EXOC6B: variants seen among roughly 807,000 people sequenced by gnomAD.
EXOC6B encodes exocyst complex component 6B, also known as SEC15 homolog B.
EXOC6B carries 54 observed loss-of-function variants against 113.5 expected under a neutral mutation model. That is an observed-to-expected ratio of 0.48 (90% CI 0.38 to 0.60). EXOC6B has a LOEUF of 0.60. Ranked by LOEUF, EXOC6B falls within the 20% of genes least tolerant of loss-of-function variation. The pLI is 0.00. For synonymous variants in EXOC6B, 357 were observed against 339.0 expected, an observed-to-expected ratio of 1.05 and a Z score of -0.58; for missense variants, 797 against 977.5, an observed-to-expected ratio of 0.82 and a Z score of 2.46.
chr2:72,393,373 C>T (rs182661528), intron 18 of EXOC6B, among the ~76,000 whole-genome samples: 1 of 152,168 alleles, frequency 6.6e-6, no homozygotes, highest in East Asian at 1.9e-4. Context: ...GGATTACAGG[C>T]GTGAGTCACC....
At chr2:72,773,246 C>T (rs1683507571) in intron 1 of EXOC6B, among the ~76,000 whole-genome samples, 1 of 149,924 alleles carries the variant, frequency 6.7e-6, no homozygotes, top group Non-Finnish European at 1.5e-5. Flanking sequence ...CCCATGTCAG[C>T]CTCTCAAGTA....
At chr2:72,279,232 A>G (rs1025003695) in intron 20 of EXOC6B, among the ~76,000 whole-genome samples, 40 of 152,198 alleles carry the variant, frequency 2.6e-4, no homozygotes, top group Non-Finnish European at 5.7e-4. Context: ...GAGAGACTGG[A>G]TATTCTCAGA....
intron 18 of EXOC6B, among the ~76,000 whole-genome samples, chr2:72,391,255 T>C (rs1396313264): frequency 2.0e-5 from 3 of 152,234 alleles, no homozygotes; most frequent in Non-Finnish European, 4.4e-5. Context: ...TGGTACTAGC[T>C]ACTATACTGT....
chr2:72,420,201 AT>A (rs750371819), intron 18 of EXOC6B, among the ~76,000 whole-genome samples: 6 of 151,128 alleles, frequency 4.0e-5, no homozygotes, highest in African/African-American at 9.8e-5. Flanking sequence ...CATTTCATTG[AT>A]TTTTTTTCCA....
In EXOC6B at chr2:72,783,188, T is replaced by TG. The variant is rs928792633; in HGVS notation, c.114-41720_114-41719insC. ...CTTTCCAATATCTGTTTGTTGGGGT[T>TG]TTTTTTTTTTGTCTTTTTAATAATA... On this transcript the variant is annotated intron_variant, in intron 1 of 21. Transcript: ENST00000272427. Among the ~76,000 whole-genome samples the TG allele has an allele frequency of 7.7e-4, 113 of 147,154 alleles. 1 individual carries two copies. Among genetic ancestry groups the TG allele is most frequent in the African/African-American group, 2.5e-3 (104 of 40,868 alleles).
At chr2:72,630,038 C>A (rs1260358302) in intron 6 of EXOC6B, among the ~76,000 whole-genome samples, 1 of 152,162 alleles carries the variant, frequency 6.6e-6, no homozygotes, top group East Asian at 1.9e-4. Context: ...TAATACTCAA[C>A]AAATTGCAAG....
intron 5 of EXOC6B, among the ~76,000 whole-genome samples, chr2:72,729,911 TA>T (rs1680532093): frequency 6.6e-6 from 1 of 152,210 alleles, no homozygotes; most frequent in African/African-American, 2.4e-5. Context: ...TTTGAATTTT[TA>T]TCCATATTTA....
At chr2:72,357,265 T>C (rs955113880) in intron 19 of EXOC6B, among the ~76,000 whole-genome samples, 3 of 152,244 alleles carry the variant, frequency 2.0e-5, no homozygotes, top group African/African-American at 7.2e-5. Context: ...TATCTTATTG[T>C]ACCTAATTTA....
intron 17 of EXOC6B, among the ~76,000 whole-genome samples, chr2:72,469,109 G>A (rs1698238571): frequency 1.3e-5 from 2 of 152,098 alleles, no homozygotes; most frequent in South Asian, 4.2e-4. Flanking sequence ...TAAAGTCCCT[G>A]GTTTACATTA....
intron 14 of EXOC6B, among the ~76,000 whole-genome samples, chr2:72,495,742 C>A (rs1700000817): frequency 6.6e-6 from 1 of 152,078 alleles, no homozygotes; most frequent in Non-Finnish European, 1.5e-5. Flanking sequence ...AAATGTCCTT[C>A]ATCATGGAAA....
chr2:72,592,070 T>C (rs983451683), intron 6 of EXOC6B, among the ~76,000 whole-genome samples: 2 of 152,036 alleles, frequency 1.3e-5, no homozygotes, highest in Admixed American at 6.6e-5. Flanking sequence ...ATATAAATAA[T>C]TGTAAAGAAT....
Position 72,671,693 on chromosome 2 carries a change from C to T in EXOC6B, c.669+46410G>A, listed in dbSNP as rs369369048. On this transcript the variant is annotated intron_variant, in intron 6 of 21. Transcript: ENST00000272427. Reference sequence around the variant, plus strand: ...AGCTTAGGCAACAAGAGCAAAACTCCGTCAAAAAAGAAAAAGAAAAAGAAG... The same window carrying T: ...AGCTTAGGCAACAAGAGCAAAACTCTGTCAAAAAAGAAAAAGAAAAAGAAG... Among the ~76,000 whole-genome samples the T allele has an allele frequency of 1.5e-4, 20 of 137,244 alleles. 1 individual carries two copies. The East Asian group carries it at 4.0e-3, about 28-fold the overall frequency. The allele number at this position is 137,244 out of a possible 152,430, so 90.0% of individuals were successfully genotyped here. A position where few individuals can be genotyped will look rare whatever the true frequency, so the allele number is the denominator to read the frequency against.
chr2:72,592,462 C>T, intron 6 of EXOC6B, among the ~76,000 whole-genome samples: 1 of 152,214 alleles, frequency 6.6e-6, no homozygotes, highest in South Asian at 2.1e-4. Context: ...CTTGCAGGAA[C>T]CCATACTAAG....
intron 6 of EXOC6B, among the ~76,000 whole-genome samples, chr2:72,600,080 A>T (rs966342092): frequency 1.3e-5 from 2 of 152,186 alleles, no homozygotes; most frequent in Non-Finnish European, 2.9e-5. Context: ...GACACAGAAT[A>T]GCCAACATAA....
chr2:72,342,156 C>G (rs997799055), intron 19 of EXOC6B, among the ~76,000 whole-genome samples: 1 of 151,676 alleles, frequency 6.6e-6, no homozygotes, highest in East Asian at 1.9e-4. Flanking sequence ...TTTATTAATA[C>G]CTACATTAAG....
intron 20 of EXOC6B, among the ~76,000 whole-genome samples, chr2:72,251,990 TG>T (rs1462710211): frequency 2.0e-5 from 3 of 152,214 alleles, no homozygotes; most frequent in African/African-American, 7.2e-5. Flanking sequence ...CCATCATTTC[TG>T]CACTTAATTC....
chr2:72,728,739 A>C (rs1275095421), intron 5 of EXOC6B, among the ~76,000 whole-genome samples: 4 of 152,172 alleles, frequency 2.6e-5, no homozygotes, highest in African/African-American at 9.7e-5. Flanking sequence ...TCAGCCAGAA[A>C]AAGTCACATG....
At chr2:72,259,455 C>G (rs1263325559) in intron 20 of EXOC6B, among the ~76,000 whole-genome samples, 1 of 152,066 alleles carries the variant, frequency 6.6e-6, no homozygotes, top group Non-Finnish European at 1.5e-5. Context: ...TGGGATCTTT[C>G]ATCTTCTTTA....
At chr2:72,555,584 C>T (rs1703492439) in intron 8 of EXOC6B, among the ~76,000 whole-genome samples, 1 of 152,098 alleles carries the variant, frequency 6.6e-6, no homozygotes, top group African/African-American at 2.4e-5. Context: ...ATATCCTTTG[C>T]CCACTTTTTA....
Sources: gnomAD v4.1 joint callset for allele counts (sites outside exome capture counted in the v4.1 genomes callset) on GRCh38, gnomAD v4.1.1 for gene constraint, MANE v1.5 for transcripts, NCBI Gene and HGNC (gene_info 2026-07-23, HGNC 2026-07-21) for gene names.